GSG1L: variants seen among roughly 807,000 people sequenced by gnomAD.
The protein encoded by GSG1L is germ cell-specific gene 1-like protein.
GSG1L carries 24 observed loss-of-function variants against 42.1 expected under a neutral mutation model. That is an observed-to-expected ratio of 0.57 (90% CI 0.41 to 0.80). The LOEUF (loss-of-function observed/expected upper bound fraction) is 0.80. GSG1L is among the 30% of genes least tolerant of loss of function. GSG1L has a pLI of 0.00. For synonymous variants in GSG1L, 215 were observed against 203.5 expected (o/e 1.06, Z -0.48); for missense variants, 445 against 472.2 (o/e 0.94, Z 0.53).
chr16:27,825,631 G>C (rs1284062974), intron 5 of GSG1L, among the ~76,000 whole-genome samples: 1 of 152,210 alleles, frequency 6.6e-6, no homozygotes, highest in East Asian at 1.9e-4. Flanking sequence ...ACTGTACTCA[G>C]TCTGGGTGAC....
chr16:27,984,914 C>T (rs1961584), intron 1 of GSG1L, among the ~76,000 whole-genome samples: 74,792 of 151,702 alleles, frequency 0.49, 19,339 homozygotes, highest in East Asian at 0.76. Flanking sequence ...CGAGCCACCA[C>T]GCCCAGCTAA....
chr16:27,973,534 A>G (rs2085217371), intron 1 of GSG1L, among the ~76,000 whole-genome samples: 1 of 151,110 alleles, frequency 6.6e-6, no homozygotes, highest in Non-Finnish European at 1.5e-5. Context: ...CAGAGGAAAC[A>G]TGAGACACGG....
chr16:27,946,680 GAAAGAAAGAA>G (rs2084876348), intron 2 of GSG1L, among the ~76,000 whole-genome samples: 1 of 147,088 alleles, frequency 6.8e-6, no homozygotes, highest in Non-Finnish European at 1.5e-5. Context: ...AAGAAAGAAA[GAAAGAAAGAA>G]AGAATTAAAT....
Position 27,910,538 on chromosome 16 carries a change from T to C in GSG1L, c.398-25900A>G, listed in dbSNP as rs375074180. ...AACTAGAAAATGGCAAGACCAAGGT[T>C]TGAACCAGGCCACTTGAGGCCATGG... On this transcript the variant is annotated intron_variant, in intron 2 of 6. Transcript: ENST00000447459. Among the ~76,000 whole-genome samples, 5 of 152,328 alleles carry C rather than the reference T, an allele frequency of 3.3e-5. No homozygotes were observed. In the East Asian group the frequency reaches 5.8e-4, roughly 18 times the overall value.
intron 4 of GSG1L, among the ~76,000 whole-genome samples, chr16:27,832,708 A>G (rs753152110): frequency 6.6e-6 from 1 of 152,248 alleles, no homozygotes; most frequent in African/African-American, 2.4e-5. Context: ...CTTCCGTAAC[A>G]GCTAATGAGG....
chr16:27,829,886 A>G (rs1596540628), intron 4 of GSG1L, among the ~76,000 whole-genome samples: 2 of 152,134 alleles, frequency 1.3e-5, no homozygotes, highest in Admixed American at 1.3e-4. Flanking sequence ...ACCCACTTCC[A>G]TATGACTTGG....
Position 27,995,883 on chromosome 16 carries a change from AACACAC to A in GSG1L, c.350-32686_350-32681del, listed in dbSNP as rs3033625. On this transcript the variant is annotated intron_variant, in intron 1 of 6. Coordinates refer to ENST00000447459, the MANE Select transcript of GSG1L (RefSeq NM_001109763.2). ...CTTAGGAAGTTCCTGTACTGATTAA[AACACAC>A]ACACACACACACACACACACACACA... Among the ~76,000 whole-genome samples the A allele has an allele frequency of 4.1e-3, 602 of 145,278 alleles. 2 individuals carry two copies. The highest frequency in any genetic ancestry group is 0.013 in the African/African-American group (493 of 39,192).
intron 1 of GSG1L, among the ~76,000 whole-genome samples, chr16:27,964,098 G>A (rs1056057586): frequency 3.3e-5 from 5 of 152,090 alleles, no homozygotes; most frequent in Admixed American, 6.5e-5. Context: ...TTGGGAGGCC[G>A]AGGCGGGCGG....
intron 1 of GSG1L, among the ~76,000 whole-genome samples, chr16:27,987,810 G>T (rs1439598682): frequency 1.3e-5 from 2 of 152,138 alleles, no homozygotes; most frequent in Non-Finnish European, 1.5e-5. Flanking sequence ...AGCCGAGCGT[G>T]GTGGCGCATG....
intron 2 of GSG1L, among the ~76,000 whole-genome samples, chr16:27,945,090 A>AC (rs1342021354): frequency 6.6e-6 from 1 of 151,342 alleles, no homozygotes; most frequent in Non-Finnish European, 1.5e-5. Flanking sequence ...AAAAAAAAAA[A>AC]AAAAAATAGA....
chr16:27,847,762 T>C (rs71389811), intron 3 of GSG1L, among the ~76,000 whole-genome samples: 14,836 of 152,240 alleles, frequency 0.097, 946 homozygotes, highest in Middle Eastern at 0.23. Flanking sequence ...TTTAAAAGTG[T>C]GTAGCACCTC....
chr16:27,997,856 C>CTTT lies in GSG1L; in HGVS notation c.350-34656_350-34654dup, dbSNP rs35354576. Among the ~76,000 whole-genome samples, 83 of 85,114 alleles carry CTTT rather than the reference C, an allele frequency of 9.8e-4. 5 individuals carry two copies. Among genetic ancestry groups the CTTT allele is most frequent in the Middle Eastern group, 0.01 (1 of 100 alleles). 55.8% of individuals were successfully genotyped at this position (85,114 alleles called of 152,430 possible). A position where few individuals can be genotyped will look rare whatever the true frequency, so the allele number is the denominator to read the frequency against. On this transcript the variant is annotated intron_variant, in intron 1 of 6. Transcript: ENST00000447459. The stretch of plus-strand genomic sequence containing the variant: ...CCCTCACTCCCTCCCACCCTCTCCA[C>CTTT]TTTTTTTTTTTTTTTTTTTTTGAGA...
At chr16:27,993,427 C>T (rs2085476087) in intron 1 of GSG1L, among the ~76,000 whole-genome samples, 1 of 152,164 alleles carries the variant, frequency 6.6e-6, no homozygotes, top group African/African-American at 2.4e-5. Flanking sequence ...AGAGCCACCG[C>T]ACCTGGCCTA....
At chr16:27,883,118 CAAAAAA>C (rs1282858322) in intron 3 of GSG1L, among the ~76,000 whole-genome samples, 1 of 70,174 alleles carries the variant, frequency 1.4e-5, no homozygotes. Context: ...GACCCAATCT[CAAAAAA>C]AAAAAAAAAA....
intron 2 of GSG1L, among the ~76,000 whole-genome samples, chr16:27,948,441 C>A (rs2084911089): frequency 6.7e-6 from 1 of 149,526 alleles, no homozygotes; most frequent in South Asian, 2.1e-4. Flanking sequence ...TGGCGTGATA[C>A]TGGCTCACTT....
intron 1 of GSG1L, among the ~76,000 whole-genome samples, chr16:28,010,428 G>A (rs1372829371): frequency 2.0e-5 from 3 of 152,144 alleles, no homozygotes; most frequent in Admixed American, 1.3e-4. Context: ...AGTCCCCAAG[G>A]GGGACACAGA....
chr16:27,840,275 G>A (rs576339623), intron 4 of GSG1L, among the ~76,000 whole-genome samples: 7 of 152,024 alleles, frequency 4.6e-5, no homozygotes, highest in South Asian at 4.2e-4. Context: ...GGCCTCTGGC[G>A]ATTCTCCCAC....
chr16:28,038,151 T>C (rs781593859), intron 1 of GSG1L, among the ~76,000 whole-genome samples: 6 of 152,168 alleles, frequency 3.9e-5, no homozygotes, highest in Admixed American at 6.5e-5. Flanking sequence ...GTTGTTGTGT[T>C]TTGTTTTAGA....
intron 2 of GSG1L, among the ~76,000 whole-genome samples, chr16:27,904,647 T>C (rs2084299272): frequency 6.6e-6 from 1 of 152,078 alleles, no homozygotes; most frequent in South Asian, 2.1e-4. Flanking sequence ...TGCCCACCTC[T>C]CCTGCCTTAT....
Sources: allele counts gnomAD v4.1 joint callset (sites outside exome capture counted in the v4.1 genomes callset), GRCh38; gene constraint gnomAD v4.1.1; transcripts MANE v1.5; gene names NCBI Gene and HGNC (gene_info 2026-07-23, HGNC 2026-07-21).